The following NCR2 variants were observed in gnomAD, a reference collection of about 807,000 sequenced individuals.
The protein encoded by NCR2 is natural cytotoxicity triggering receptor 2, also known as NK cell activating receptor (NKp44).
Under a neutral mutation model 30.7 loss-of-function variants are expected in NCR2, and 35 were observed. That is an observed-to-expected ratio of 1.14 (90% CI 0.87 to 1.51). The LOEUF is 1.51. Among genes scored for constraint, NCR2 ranks in the 40% most tolerant of loss-of-function variants. The probability of loss-of-function intolerance (pLI) is 0.00; values close to 1 mark genes in which losing one functional copy is unlikely to be tolerated. For synonymous variants in NCR2, 146 were observed against 134.8 expected (o/e 1.08, Z -0.58); for missense variants, 316 against 328.9 (o/e 0.96, Z 0.30).
chr6:41,347,154 G>T (rs965020983), intron 4 of NCR2, among the ~76,000 whole-genome samples: 2 of 152,184 alleles, frequency 1.3e-5, no homozygotes, highest in Non-Finnish European at 2.9e-5. Flanking sequence ...GGTGGAGGCT[G>T]CAGTGAACTA....
Position 41,335,757 on chromosome 6 carries a change from C to A in NCR2, c.-120C>A. The A allele has an allele frequency of 2.6e-6, 3 of 1,151,786 alleles. No homozygotes were observed. The highest frequency in any genetic ancestry group is 2.6e-6 in the Non-Finnish European group (2 of 783,938). 71.3% of individuals were successfully genotyped at this position (1,151,786 alleles called of 1,614,324 possible). ...CCCATCTCCCCAACCCAGGCCTCAG[C>A]CTGTCTCATTTTTCTATCAGACGTG... On this transcript the variant is annotated 5_prime_UTR_variant, in exon 1 of 5. Coordinates refer to ENST00000373089, the MANE Select transcript of NCR2 (RefSeq NM_004828.4).
chr6:41,349,698 CA>C (rs1291141898), intron 4 of NCR2, among the ~76,000 whole-genome samples: 2 of 152,144 alleles, frequency 1.3e-5, no homozygotes, highest in African/African-American at 4.8e-5. Context: ...TCCTGCCCTC[CA>C]GCCCTTCCAT....
rs1461491607 is a variant in NCR2, at chr6:41,342,053, TC to T, written c.550del (p.Arg184AlafsTer19). 6.2e-7 allele frequency: 1 copy of T among 1,613,872 alleles called. No individual in the cohort carries two copies. The highest frequency in any genetic ancestry group is 1.1e-5 in the South Asian group (1 of 91,074). ...CCTTCCAGGCCACAGAACTCCACGC[TC>T]CGCCCTGGCCCTGCAGCCCCCATTG... ...PVPSQPQNST[L>X]RPGPAAPIAL... On this transcript the variant is annotated frameshift_variant, in exon 4 of 5. Transcript: ENST00000373089. LOFTEE classifies it high-confidence loss of function.
chr6:41,336,140 C>T lies in NCR2; in HGVS notation c.106C>T (p.Leu36=). ...ACTTCAAAGTGTGGCAGGGCAGACG[C>T]TAACCGTGAGATGCCAGTACCCGCC... The part of the protein sequence containing the change: ...QVLQSVAGQT[L]TVRCQYPPTG... The change falls in exon 2 of 5, where the codon CTA becomes TTA. Residue 36 remains leucine (L), a synonymous_variant. Coordinates refer to ENST00000373089, the MANE Select transcript of NCR2 (RefSeq NM_004828.4). 1.9e-6 allele frequency: 3 copies of T among 1,614,134 alleles called. No homozygotes were observed. Among genetic ancestry groups the T allele is most frequent in the South Asian group, 1.1e-5 (1 of 91,088 alleles).
chr6:41,341,929 A>C lies in NCR2; in HGVS notation c.530A>C (p.Gln177Pro). The C allele has an allele frequency of 1.2e-6, 2 of 1,613,676 alleles. No individual in the cohort carries two copies. Among genetic ancestry groups the C allele is most frequent in the Non-Finnish European group, 1.7e-6 (2 of 1,179,734 alleles). Reference sequence around the variant, plus strand: ...CCATCTACCATCCCTGTCCCTTCACAGTGAGTTTCGGGGTGCCCGTAGCCA... The same window carrying C: ...CCATCTACCATCCCTGTCCCTTCACCGTGAGTTTCGGGGTGCCCGTAGCCA... ...ESPSTIPVPSQPQNSTLRPGP... is the reference protein window; with the variant it reads ...ESPSTIPVPSPPQNSTLRPGP... Residue 177 changes from glutamine (Q) to proline (P), a missense_variant and splice_region_variant, in exon 3 of 5, where the codon CAG becomes CCG. Gln to Pro is a moderately conservative substitution (Grantham distance 76). Coordinates refer to ENST00000373089, the MANE Select transcript of NCR2 (RefSeq NM_004828.4).
chr6:41,346,451 T>C (rs1769302379), intron 4 of NCR2, among the ~76,000 whole-genome samples: 1 of 152,112 alleles, frequency 6.6e-6, no homozygotes, highest in Non-Finnish European at 1.5e-5. Flanking sequence ...ACCCGCCCCT[T>C]TCCGCCATCT....
In NCR2 at chr6:41,335,918, G is replaced by A; in HGVS notation, c.42G>A (p.Leu14=). The A allele has an allele frequency of 1.3e-6, 2 of 1,571,470 alleles. No individual in the cohort carries two copies. The highest frequency in any genetic ancestry group is 8.6e-7 in the Non-Finnish European group (1 of 1,157,692). Residue 14 remains leucine (L), a synonymous_variant, in exon 1 of 5, where the codon CTG becomes CTA. Coordinates refer to ENST00000373089, the MANE Select transcript of NCR2 (RefSeq NM_004828.4). ...RALHPLLLLL[L]LFPGSQAQSK... The stretch of plus-strand genomic sequence containing the variant: ...TACACCCACTGCTACTGCTGCTGCT[G>A]CTGTTCCCAGGTGAGGGGGAGGAGG...
chr6:41,349,295 T>C (rs1769377947), intron 4 of NCR2, among the ~76,000 whole-genome samples: 1 of 151,938 alleles, frequency 6.6e-6, no homozygotes, highest in Non-Finnish European at 1.5e-5. Context: ...AGATAATCTT[T>C]TGTTCTCATA....
Position 41,350,862 on chromosome 6 carries a change from T to C in NCR2, c.829T>C (p.Ter277ArgextTer?). 1 of 833,056 alleles carries C rather than the reference T, an allele frequency of 1.2e-6. No homozygotes were observed. The highest frequency in any genetic ancestry group is 2.1e-6 in the Non-Finnish European group (1 of 479,082). 51.6% of individuals were successfully genotyped at this position (833,056 alleles called of 1,614,324 possible). ...CGATGATGATGATGAACACACTTTG[T>C]GAATAATAAAATTATCTGAATGTTT... The part of the protein sequence containing the change: ...ISDDDDEHTL[*>R] The change falls in exon 5 of 5, where the codon TGA becomes CGA. Residue 277 changes from the stop codon to arginine (R), a stop_lost. Coordinates refer to ENST00000373089, the MANE Select transcript of NCR2 (RefSeq NM_004828.4).
chr6:41,335,718 G>A lies in NCR2; in HGVS notation c.-159G>A. ...CCACTTCCCTGTGCCCACAGAATCT[G>A]CCCTTTGCAGTCTCCCATCTCCCCA... is the stretch of plus-strand genomic sequence containing the variant. On this transcript the variant is annotated 5_prime_UTR_variant, in exon 1 of 5. Coordinates refer to ENST00000373089, the MANE Select transcript of NCR2 (RefSeq NM_004828.4). 2 of 782,146 alleles carry A rather than the reference G, an allele frequency of 2.6e-6. No homozygotes were observed. Among genetic ancestry groups the A allele is most frequent in the South Asian group, 1.5e-5 (1 of 65,740 alleles). The allele number at this position is 782,146 out of a possible 1,614,324, so 48.5% of individuals were successfully genotyped here.
rs760968476 is a variant in NCR2 at position 41,335,886 on chromosome 6, C to G, written c.10C>G (p.Arg4Gly). 14 of 1,568,162 alleles carry G rather than the reference C, an allele frequency of 8.9e-6. No individual in the cohort carries two copies. Among genetic ancestry groups the G allele is most frequent in the Non-Finnish European group, 1.1e-5 (13 of 1,156,030 alleles). MAW[R>G]ALHPLLLLLL... ...ACAGGAAAAGGACCACATGGCCTGGCGAGCCCTACACCCACTGCTACTGCT... is the reference window on the plus strand; with the variant it reads ...ACAGGAAAAGGACCACATGGCCTGGGGAGCCCTACACCCACTGCTACTGCT... Residue 4 changes from arginine to glycine, a missense_variant, in exon 1 of 5, where the codon CGA becomes GGA. Physicochemically the swap from Arg to Gly is moderately radical, Grantham distance 125. Transcript: ENST00000373089.
At chr6:41,348,473 A>AC (rs376864089) in intron 4 of NCR2, among the ~76,000 whole-genome samples, 14,171 of 151,842 alleles carry the variant, frequency 0.093, 750 homozygotes, top group Middle Eastern at 0.23. Flanking sequence ...GACAAAAAAA[A>AC]AAGTCACTGG....
intron 2 of NCR2, among the ~76,000 whole-genome samples, chr6:41,339,526 A>G (rs1316819865): frequency 6.6e-6 from 1 of 152,020 alleles, no homozygotes; most frequent in Non-Finnish European, 1.5e-5. Flanking sequence ...CTGGGACTAC[A>G]GGTGCCCGCC....
chr6:41,350,618 C>G, intron 4 of NCR2, 60 bp from the exon 5 acceptor site: 2 of 1,494,596 alleles, frequency 1.3e-6, no homozygotes, highest in Non-Finnish European at 9.2e-7. Flanking sequence ...TGCCTCTGCA[C>G]CTATGTGCAA....
At chr6:41,349,063 T>C (rs1453559841) in intron 4 of NCR2, among the ~76,000 whole-genome samples, 6 of 147,286 alleles carry the variant, frequency 4.1e-5, no homozygotes, top group African/African-American at 1.5e-4. Context: ...TAAATTATTA[T>C]AGTTTATTAT....
Position 41,336,240 on chromosome 6 carries a change from G to T in NCR2, c.206G>T (p.Ser69Ile). The T allele has an allele frequency of 1.2e-6, 2 of 1,614,162 alleles. No homozygotes were observed. The highest frequency in any genetic ancestry group is 1.3e-5 in the African/African-American group (1 of 75,032). ...CTTGTGTGCATCAGGTTAGTCACCA[G>T]CTCCAAGCCCAGGACGATGGCTTGG... ...SALVCIRLVT[S>I]SKPRTMAWTS... is the part of the protein sequence containing the mutation. The change falls in exon 2 of 5, where the codon AGC becomes ATC. Residue 69 changes from serine (S) to isoleucine (I), a missense_variant. Physicochemically the swap from Ser to Ile is moderately radical, Grantham distance 142. Coordinates refer to ENST00000373089, the MANE Select transcript of NCR2 (RefSeq NM_004828.4).
In NCR2 at chr6:41,335,730, C is replaced by G; in HGVS notation, c.-147C>G. Reference sequence around the variant, plus strand: ...GCCCACAGAATCTGCCCTTTGCAGTCTCCCATCTCCCCAACCCAGGCCTCA... The same window carrying G: ...GCCCACAGAATCTGCCCTTTGCAGTGTCCCATCTCCCCAACCCAGGCCTCA... On this transcript the variant is annotated 5_prime_UTR_variant, in exon 1 of 5. Transcript: ENST00000373089. 1.1e-6 allele frequency: 1 copy of G among 874,592 alleles called. No homozygotes were observed. Among genetic ancestry groups the G allele is most frequent in the Admixed American group, 2.0e-5 (1 of 49,360 alleles). 54.2% of individuals were successfully genotyped at this position (874,592 alleles called of 1,614,324 possible). A position where few individuals can be genotyped will look rare whatever the true frequency, so the allele number is the denominator to read the frequency against.
intron 4 of NCR2, among the ~76,000 whole-genome samples, chr6:41,347,014 T>C (rs1186943686): frequency 6.6e-6 from 1 of 152,208 alleles, no homozygotes; most frequent in African/African-American, 2.4e-5. Context: ...CTCAAGCCAA[T>C]CACTTTCCTT....
At chr6:41,337,963 C>T (rs1184820876) in intron 2 of NCR2, among the ~76,000 whole-genome samples, 2 of 152,152 alleles carry the variant, frequency 1.3e-5, no homozygotes, top group Non-Finnish European at 2.9e-5. Context: ...TTCCCATGAG[C>T]ACTTGTGAAG....
Sources: gnomAD v4.1 joint callset for allele counts (sites outside exome capture counted in the v4.1 genomes callset) on GRCh38, gnomAD v4.1.1 for gene constraint, MANE v1.5 for transcripts, NCBI Gene and HGNC (gene_info 2026-07-23, HGNC 2026-07-21) for gene names.